RTN1: variants seen among roughly 807,000 people sequenced by gnomAD.
The protein encoded by RTN1 is reticulon 1.
In RTN1, 25 loss-of-function variants were observed where a neutral mutation model predicts 65.5. The ratio of observed to expected loss-of-function variants is 0.38; its 90% CI spans 0.28 to 0.53. The LOEUF (loss-of-function observed/expected upper bound fraction) is 0.53, where lower values mean the gene tolerates loss of function less well. Among genes scored for constraint, RTN1 ranks in the 20% least tolerant of loss-of-function variants. The pLI is 0.79. For synonymous variants in RTN1, 471 were observed against 447.6 expected, an observed-to-expected ratio of 1.05 and a Z score of -0.66; for missense variants, 983 against 1,025.4, an observed-to-expected ratio of 0.96 and a Z score of 0.57.
chr14:59,612,764 T>C (rs1052845850), intron 3 of RTN1, among the ~76,000 whole-genome samples: 1 of 152,228 alleles, frequency 6.6e-6, no homozygotes. Context: ...TTTCTTTTGG[T>C]TTCCACCATC....
intron 3 of RTN1, among the ~76,000 whole-genome samples, chr14:59,713,062 C>A (rs965821104): frequency 6.6e-6 from 1 of 152,090 alleles, no homozygotes; most frequent in Non-Finnish European, 1.5e-5. Context: ...TCCCAAGAAT[C>A]CAGTGATGTA....
At chr14:59,796,390 G>T (rs1301698870) in intron 1 of RTN1, among the ~76,000 whole-genome samples, 3 of 152,084 alleles carry the variant, frequency 2.0e-5, no homozygotes, top group Non-Finnish European at 4.4e-5. Flanking sequence ...ATTTAGTCTT[G>T]TGTTATAAGC....
intron 8 of RTN1, among the ~76,000 whole-genome samples, chr14:59,601,884 T>A (rs537195518): frequency 6.6e-6 from 1 of 152,288 alleles, no homozygotes; most frequent in East Asian, 1.9e-4. Context: ...TATGATACCA[T>A]TTCTTAATAC....
At chr14:59,842,670 G>A (rs1372965538) in intron 1 of RTN1, among the ~76,000 whole-genome samples, 1 of 152,100 alleles carries the variant, frequency 6.6e-6, no homozygotes, top group East Asian at 1.9e-4. Flanking sequence ...GATTGGGGTG[G>A]TATGAATAGT....
intron 3 of RTN1, among the ~76,000 whole-genome samples, chr14:59,615,911 T>A (rs1015117593): frequency 5.9e-5 from 9 of 152,166 alleles, no homozygotes; most frequent in African/African-American, 1.9e-4. Context: ...TTTTAAAATT[T>A]TTTTTGGAGT....
chr14:59,790,096 TAGG>T lies in RTN1; in HGVS notation c.242-43618_242-43616del, dbSNP rs1322400665. Among the ~76,000 whole-genome samples, 3 of 152,094 alleles carry T rather than the reference TAGG, an allele frequency of 2.0e-5. No homozygotes were observed. The highest frequency in any genetic ancestry group is 3.8e-4 in the East Asian group (2 of 5,204). ...AAAGTGATAAATAATTAGAAATAGA[TAGG>T]AGAAGATAGGCATGAAGAAAACCTG... On this transcript the variant is annotated intron_variant, in intron 1 of 8. Coordinates refer to ENST00000267484, the MANE Select transcript of RTN1 (RefSeq NM_021136.3). This position sits in a 1 kb window ranked among gnomAD's most constrained non-coding sequence, Gnocchi z 4.1.
Position 59,661,259 on chromosome 14 carries a change from C to CAAAAAA in RTN1, c.1766-53773_1766-53768dup, listed in dbSNP as rs768483248. On this transcript the variant is annotated intron_variant, in intron 3 of 8. Transcript: ENST00000267484. Reference sequence around the variant, plus strand: ...AGGCAGTAATTAATAGCCTACCAACCAAAAAAAAAAAAAAAAAAAAGCCCA... The same window carrying CAAAAAA: ...AGGCAGTAATTAATAGCCTACCAACCAAAAAAAAAAAAAAAAAAAAAAAAAAGCCCA... Among the ~76,000 whole-genome samples the CAAAAAA allele has an allele frequency of 6.4e-4, 53 of 83,262 alleles. 1 individual carries two copies. The highest frequency in any genetic ancestry group is 8.4e-4 in the Admixed American group (5 of 5,988). The allele number at this position is 83,262 out of a possible 152,430, so 54.6% of individuals were successfully genotyped here. A position where few individuals can be genotyped will look rare whatever the true frequency, so the allele number is the denominator to read the frequency against.
intron 3 of RTN1, among the ~76,000 whole-genome samples, chr14:59,661,842 A>G (rs1003329124): frequency 2.6e-5 from 4 of 152,216 alleles, no homozygotes; most frequent in Admixed American, 6.5e-5. Flanking sequence ...AACTGGCACA[A>G]GACAAGGATG....
chr14:59,699,160 T>C (rs959734134), intron 3 of RTN1, among the ~76,000 whole-genome samples: 16 of 152,258 alleles, frequency 1.1e-4, no homozygotes, highest in Admixed American at 9.2e-4. Flanking sequence ...GTGTCTTTTA[T>C]CCTTTGAGCG....
intron 1 of RTN1, among the ~76,000 whole-genome samples, chr14:59,777,115 T>C (rs1886066664): frequency 6.6e-6 from 1 of 152,152 alleles, no homozygotes; most frequent in South Asian, 2.1e-4. Context: ...ATCTCAGTAA[T>C]AAAATTCTGG....
intron 1 of RTN1, among the ~76,000 whole-genome samples, chr14:59,821,150 A>G (rs1242421535): frequency 6.6e-6 from 1 of 152,148 alleles, no homozygotes; most frequent in African/African-American, 2.4e-5. Context: ...TGATCATGAA[A>G]TGTTTTTCCA....
At chr14:59,858,256 C>T (rs912272126) in intron 1 of RTN1, among the ~76,000 whole-genome samples, 1 of 152,136 alleles carries the variant, frequency 6.6e-6, no homozygotes, top group Non-Finnish European at 1.5e-5. Flanking sequence ...TTAACATGCA[C>T]CTGGTAGGCT....
At chr14:59,724,602 C>T (rs567512610) in intron 3 of RTN1, among the ~76,000 whole-genome samples, 236 of 152,166 alleles carry the variant, frequency 1.6e-3, no homozygotes, top group African/African-American at 5.2e-3. Context: ...TGGTGGCTCA[C>T]GCCTGTAATC....
chr14:59,810,945 G>A (rs1594752137), intron 1 of RTN1, among the ~76,000 whole-genome samples: 1 of 152,158 alleles, frequency 6.6e-6, no homozygotes, highest in East Asian at 1.9e-4. Context: ...TGTAGCTGCA[G>A]CCCAGTTTTC....
chr14:59,827,227 C>T (rs112212668), intron 1 of RTN1, among the ~76,000 whole-genome samples: 2,673 of 152,132 alleles, frequency 0.018, 53 homozygotes, highest in Non-Finnish European at 0.022. Context: ...TACAGGCGCC[C>T]GCCACCACGC....
At chr14:59,620,673 C>T (rs905840173) in intron 3 of RTN1, among the ~76,000 whole-genome samples, 1 of 152,008 alleles carries the variant, frequency 6.6e-6, no homozygotes, top group Non-Finnish European at 1.5e-5. Context: ...TAGAAACATA[C>T]AATAAGGCTT....
rs74967894 is a variant in RTN1 at position 59,869,745 on chromosome 14, G to A, written c.241+645C>T. Among the ~76,000 whole-genome samples the A allele has an allele frequency of 3.4e-3, 523 of 152,288 alleles. 17 individuals carry two copies. The East Asian group carries it at 0.059, about 17-fold the overall frequency. ...AGCGGCGAAATACAGGTTTTGGGCG[G>A]GGGCAGCCACAGCACCCAACCCTCT... On this transcript the variant is annotated intron_variant, in intron 1 of 8. Coordinates refer to ENST00000267484, the MANE Select transcript of RTN1 (RefSeq NM_021136.3).
chr14:59,749,943 A>G, intron 1 of RTN1, among the ~76,000 whole-genome samples: 1 of 110,492 alleles, frequency 9.1e-6, no homozygotes, highest in Middle Eastern at 4.3e-3. Context: ...AAATATATAT[A>G]TATTTATATG....
chr14:59,598,263 A>G (rs1881468870), intron 8 of RTN1, among the ~76,000 whole-genome samples: 3 of 152,190 alleles, frequency 2.0e-5, no homozygotes, highest in Non-Finnish European at 2.9e-5. Flanking sequence ...AACTGAATGC[A>G]TAGGCTAGGA....
Sources: gnomAD v4.1 joint callset for allele counts (sites outside exome capture counted in the v4.1 genomes callset) on GRCh38, gnomAD v4.1.1 for gene constraint, Gnocchi (gnomAD v3.1) non-coding constraint, MANE v1.5 for transcripts, NCBI Gene and HGNC (gene_info 2026-07-23, HGNC 2026-07-21) for gene names.